The following AHNAK variants were observed in gnomAD, a reference collection of about 807,000 sequenced individuals.
AHNAK encodes the protein neuroblast differentiation-associated protein AHNAK.
In AHNAK, 23 loss-of-function variants were observed where a neutral mutation model predicts 37.8. The ratio of observed to expected loss-of-function variants is 0.61; its 90% CI spans 0.44 to 0.86. The LOEUF is 0.86. AHNAK is among the 40% of genes least tolerant of loss of function. AHNAK has a pLI of 0.00. For synonymous variants in AHNAK, 2,481 were observed against 2,636.3 expected (o/e 0.94, Z 1.80); for missense variants, 7,411 against 7,319.4 (o/e 1.01, Z -0.46).
intron 4 of AHNAK, among the ~76,000 whole-genome samples, chr11:62,510,334 G>A (rs1027012467): frequency 6.6e-6 from 1 of 152,068 alleles, no homozygotes; most frequent in Non-Finnish European, 1.5e-5. Context: ...GTGAGCCACT[G>A]CGCCCGCCCT....
At position 62,520,908 on chromosome 11, in the gene AHNAK, T is replaced by A. The variant is rs778567117; in HGVS notation, c.13509A>T (p.Lys4503Asn). 3 of 1,614,190 alleles carry A rather than the reference T, an allele frequency of 1.9e-6. No homozygotes were observed. Residue 4503 changes from lysine (K) to asparagine (N), a missense_variant, in exon 5 of 5, where the codon AAA becomes AAT. By Grantham distance (94) the Lys-to-Asn change is moderately conservative. Transcript: ENST00000378024. ...VDIEGPEGKLKGPKFKMPDVH... is the reference protein window; with the variant it reads ...VDIEGPEGKLNGPKFKMPDVH... ...CATCAGGCATCTTAAACTTGGGACC[T>A]TTGAGCTTCCCTTCAGGACCTTCAA...
rs1002081352 is a variant in AHNAK at position 62,433,962 on chromosome 11, T to C, written c.443-71A>G. ...ATCTCTCCATAAAATCAGAAGATGG[T>C]TCGTTAACTTTGCACCAACTGAAAG... On this transcript the variant is annotated intron_variant, in intron 5 of 5. Coordinates refer to the AHNAK transcript ENST00000257247. 5 of 1,586,168 alleles carry C rather than the reference T, an allele frequency of 3.2e-6. No homozygotes were observed. In the East Asian group the frequency reaches 6.7e-5, roughly 21 times the overall value.
intron 4 of AHNAK, among the ~76,000 whole-genome samples, chr11:62,500,513 A>T (rs1427650122): frequency 1.3e-5 from 2 of 152,096 alleles, no homozygotes; most frequent in Non-Finnish European, 2.9e-5. Context: ...GTTCCTCCCA[A>T]ACCTACGTGC....
At chr11:62,439,359 G>A (rs571757129) in intron 5 of AHNAK, among the ~76,000 whole-genome samples, 31 of 151,882 alleles carry the variant, frequency 2.0e-4, no homozygotes, top group Non-Finnish European at 4.4e-4. Context: ...GCCTCCCAAA[G>A]TGCTGGGATT....
In AHNAK at chr11:62,522,280, G is replaced by C; in HGVS notation, c.12137C>G (p.Ala4046Gly). Reference protein sequence around the residue: ...DIKGPKVDIDAPDVDVHGPDW... With the variant: ...DIKGPKVDIDGPDVDVHGPDW... ...TGGGCCATGAACATCCACATCTGGG[G>C]CATCAATGTCCACTTTGGGGCCCTT... Residue 4046 changes from alanine to glycine, a missense_variant, in exon 5 of 5, where the codon GCC becomes GGC. Transcript: ENST00000378024. 6.2e-7 allele frequency: 1 copy of C among 1,603,246 alleles called. No individual in the cohort carries two copies. The highest frequency in any genetic ancestry group is 8.5e-7 in the Non-Finnish European group (1 of 1,175,784).
At position 62,524,480 on chromosome 11, in the gene AHNAK, C is replaced by T; in HGVS notation, c.9937G>A (p.Val3313Ile). 1 of 1,614,136 alleles carries T rather than the reference C, an allele frequency of 6.2e-7. No homozygotes were observed. The highest frequency in any genetic ancestry group is 1.1e-5 in the South Asian group (1 of 91,086). ...KGSKLKGDVD[V>I]SGPKLEGDIK... Reference sequence around the variant, plus strand: ...TCACCTTCCAACTTGGGCCCAGAGACATCAACATCTCCCTTAAGCTTTGAG... The same window carrying T: ...TCACCTTCCAACTTGGGCCCAGAGATATCAACATCTCCCTTAAGCTTTGAG... Residue 3313 changes from valine to isoleucine, a missense_variant, in exon 5 of 5, where the codon GTC (valine) becomes ATC (isoleucine). Physicochemically the swap from Val to Ile is conservative, Grantham distance 29 (BLOSUM62 3). Transcript: ENST00000378024.
Position 62,529,206 on chromosome 11 carries a change from T to C in AHNAK, c.5211A>G (p.Pro1737=), listed in dbSNP as rs761553942. 1.9e-6 allele frequency: 3 copies of C among 1,614,078 alleles called. No homozygotes were observed. The East Asian group carries it at 6.7e-5, about 36-fold the overall frequency. The stretch of plus-strand genomic sequence containing the variant: ...GTCCAGACACATCAATGTCAGCCTT[T>C]GGCAGATTCACATCCACTTCAGGGC... ...AEGPEVDVNL[P]KADIDVSGPS... Residue 1737 remains proline (P), a synonymous_variant, in exon 5 of 5, where the codon CCA becomes CCG. Coordinates refer to ENST00000378024, the MANE Select transcript of AHNAK (RefSeq NM_001620.3).
intron 5 of AHNAK, among the ~76,000 whole-genome samples, chr11:62,456,798 G>A (rs1804982244): frequency 6.6e-6 from 1 of 152,162 alleles, no homozygotes; most frequent in African/African-American, 2.4e-5. Context: ...ACCGCCTACG[G>A]CTGAGTCTGG....
chr11:62,450,096 C>G (rs546607567), intron 5 of AHNAK, among the ~76,000 whole-genome samples: 1 of 150,584 alleles, frequency 6.6e-6, no homozygotes, highest in South Asian at 2.1e-4. Context: ...ATTTTGTTTT[C>G]TTTTGTTTTA....
At chr11:62,508,591 G>C (rs943207488) in intron 4 of AHNAK, among the ~76,000 whole-genome samples, 1 of 152,232 alleles carries the variant, frequency 6.6e-6, no homozygotes, top group Non-Finnish European at 1.5e-5. Flanking sequence ...GAAAATAACA[G>C]AGGCATTTAA....
chr11:62,515,319 G>T (rs1443698372), downstream of AHNAK, among the ~76,000 whole-genome samples: 1 of 152,210 alleles, frequency 6.6e-6, no homozygotes, highest in Admixed American at 6.5e-5. Flanking sequence ...AGGAGTTTGA[G>T]ACCAGCCTGG....
Position 62,532,721 on chromosome 11 carries a change from T to C in AHNAK, c.1696A>G (p.Thr566Ala), listed in dbSNP as rs999324695. ...ACTTCTGACATAGAGATCCTACAGGTTCCGGTTTTCCCGGAAGGACTGCCA... is the reference window on the plus strand; with the variant it reads ...ACTTCTGACATAGAGATCCTACAGGCTCCGGTTTTCCCGGAAGGACTGCCA... ...RLGSPSGKTG[T>A]CRISMSEVDL... is the part of the protein sequence containing the mutation. The change falls in exon 5 of 5, where the codon ACC (threonine) becomes GCC (alanine). Residue 566 changes from threonine to alanine, a missense_variant. Coordinates refer to ENST00000378024, the MANE Select transcript of AHNAK (RefSeq NM_001620.3). The C allele has an allele frequency of 2.5e-6, 4 of 1,613,872 alleles. No homozygotes were observed. The African/African-American group carries it at 5.3e-5, about 22-fold the overall frequency.
At chr11:62,482,487 G>A (rs746731728) in intron 5 of AHNAK, among the ~76,000 whole-genome samples, 11 of 152,064 alleles carry the variant, frequency 7.2e-5, no homozygotes, top group East Asian at 1.9e-4. Flanking sequence ...TTGCCCTTCC[G>A]TTCTCTCAAT....
chr11:62,542,506 T>C (rs1232490328), intron 1 of AHNAK, among the ~76,000 whole-genome samples: 1 of 129,690 alleles, frequency 7.7e-6, no homozygotes, highest in African/African-American at 2.9e-5. Context: ...CACCCCAACC[T>C]CAGCCAGCTG....
rs201129273 is a variant in AHNAK at position 62,516,814 on chromosome 11, T to C, written c.17603A>G (p.Asn5868Ser). 18 of 1,614,118 alleles carry C rather than the reference T, an allele frequency of 1.1e-5. No homozygotes were observed. In the East Asian group the frequency reaches 2.5e-4, roughly 22 times the overall value. ...KKSRLSSSSSNDSGNKVGIQL... is the reference protein window; with the variant it reads ...KKSRLSSSSSSDSGNKVGIQL... ...GATGCCAACCTTATTCCCACTGTCA[T>C]TGCTAGAAGAGGAGGACAGTCGGGA... Residue 5868 changes from asparagine (N) to serine (S), a missense_variant, in exon 5 of 5, where the codon AAT becomes AGT. By Grantham distance (46) the Asn-to-Ser change is conservative (BLOSUM62 1). Transcript: ENST00000378024.
chr11:62,448,746 T>G (rs1938469589), intron 5 of AHNAK, among the ~76,000 whole-genome samples: 2 of 152,036 alleles, frequency 1.3e-5, no homozygotes, highest in Admixed American at 1.3e-4. Context: ...CCCAAGGAGT[T>G]GGGAATTGTC....
At position 62,526,047 on chromosome 11, in the gene AHNAK, C is replaced by G. The variant is rs2134218502; in HGVS notation, c.8370G>C (p.Leu2790=). The change falls in exon 5 of 5, where the codon CTG becomes CTC. Residue 2790 remains leucine, a synonymous_variant. Coordinates refer to ENST00000378024, the MANE Select transcript of AHNAK (RefSeq NM_001620.3). ...KGEGPDVDVN[L]PKADIDVSGP... is the part of the protein sequence containing the mutation. Reference sequence around the variant, plus strand: ...CTGAGACATCAATGTCAGCCTTGGGCAGGTTCACGTCCACATCTGGACCTT... The same window carrying G: ...CTGAGACATCAATGTCAGCCTTGGGGAGGTTCACGTCCACATCTGGACCTT... 2.5e-6 allele frequency: 4 copies of G among 1,613,860 alleles called. No homozygotes were observed. The highest frequency in any genetic ancestry group is 3.4e-6 in the Non-Finnish European group (4 of 1,179,980).
chr11:62,459,746 G>A (rs1938745563), intron 5 of AHNAK, among the ~76,000 whole-genome samples: 2 of 152,118 alleles, frequency 1.3e-5, no homozygotes, highest in Admixed American at 1.3e-4. Flanking sequence ...AAGAAACTGA[G>A]ACACACAGAG....
chr11:62,483,858 CAAAA>C (rs1173299582), intron 5 of AHNAK, among the ~76,000 whole-genome samples: 1 of 77,886 alleles, frequency 1.3e-5, no homozygotes, highest in Admixed American at 1.5e-4. Context: ...GACTCCATCT[CAAAA>C]AAAAAAAAAA....
Sources: allele counts gnomAD v4.1 joint callset (sites outside exome capture counted in the v4.1 genomes callset), GRCh38; gene constraint gnomAD v4.1.1; transcripts MANE v1.5; gene names NCBI Gene and HGNC (gene_info 2026-07-23, HGNC 2026-07-21).